Variants in LPIN2 observed in about 807,000 individuals in gnomAD.
The protein encoded by LPIN2 is phosphatidate phosphatase LPIN2.
A neutral mutation model predicts 111.4 loss-of-function variants in LPIN2; 55 were observed. That is an observed-to-expected ratio of 0.49 (90% CI 0.40 to 0.62). The LOEUF (loss-of-function observed/expected upper bound fraction) is 0.62. LPIN2 is among the 20% of genes least tolerant of loss of function. The pLI, the probability that LPIN2 is intolerant of heterozygous loss-of-function variation, is 0.00. For synonymous variants in LPIN2, 425 were observed against 414.0 expected (o/e 1.03, Z -0.32); for missense variants, 992 against 1,112.1 (o/e 0.89, Z 1.54).
At chr18:2,993,914 G>A (rs1356200975) in intron 1 of LPIN2, among the ~76,000 whole-genome samples, 1 of 152,160 alleles carries the variant, frequency 6.6e-6, no homozygotes, top group East Asian at 1.9e-4. Context: ...CTGAGGATCC[G>A]ATGGAACCCC....
chr18:3,004,646 C>T (rs566357235), intron 1 of LPIN2, among the ~76,000 whole-genome samples: 15 of 152,264 alleles, frequency 9.9e-5, no homozygotes, highest in Admixed American at 2.6e-4. Flanking sequence ...AAGAAGGCAC[C>T]ATGTTGGATA....
chr18:2,976,220 T>C (rs566686352), intron 1 of LPIN2, among the ~76,000 whole-genome samples: 1 of 152,342 alleles, frequency 6.6e-6, no homozygotes, highest in Non-Finnish European at 1.5e-5. Flanking sequence ...CGTGTCCTAA[T>C]TGTGTTAATG....
At chr18:2,974,715 C>T (rs1483634844) in intron 1 of LPIN2, among the ~76,000 whole-genome samples, 2 of 152,128 alleles carry the variant, frequency 1.3e-5, no homozygotes, top group South Asian at 2.1e-4. Context: ...TTTTAGGCTG[C>T]GTGCGTTGGC....
rs778249776 is a variant in LPIN2, at chr18:2,940,582, CAAG to C, written c.698+20_698+22del. Reference sequence around the variant, plus strand: ...ACATCTCCTTCCTCTTTCAAGAAACCAAGAAATTTCAAAGATACTTACGTCTCT... The same window carrying C: ...ACATCTCCTTCCTCTTTCAAGAAACCAAATTTCAAAGATACTTACGTCTCT... On this transcript the variant is annotated intron_variant, in intron 5 of 19. Coordinates refer to ENST00000677752, the MANE Select transcript of LPIN2 (RefSeq NM_001375808.2). 6.8e-4 allele frequency: 1,000 copies of C among 1,470,208 alleles called. 4 individuals are homozygous for C. The highest frequency in any genetic ancestry group is 8.8e-4 in the Non-Finnish European group (924 of 1,050,928). The allele number at this position is 1,470,208 out of a possible 1,614,324, so 91.1% of individuals were successfully genotyped here.
chr18:2,934,014 A>G (rs1439004353), intron 8 of LPIN2, among the ~76,000 whole-genome samples: 1 of 152,246 alleles, frequency 6.6e-6, no homozygotes, highest in African/African-American at 2.4e-5. Flanking sequence ...TTTAAAACAC[A>G]TAATAAAATA....
rs1568517337 is a variant in LPIN2 at position 2,926,713 on chromosome 18, G to C, written c.1793+10C>G. On this transcript the variant is annotated intron_variant, in intron 13 of 19. Coordinates refer to ENST00000677752, the MANE Select transcript of LPIN2 (RefSeq NM_001375808.2). ...AGTGCTATGAGCCGGGCAGAGGACA[G>C]GGCACCCACCTGGCACCGGCCGGCT... The C allele has an allele frequency of 6.2e-6, 10 of 1,611,096 alleles. No individual in the cohort carries two copies. Among genetic ancestry groups the C allele is most frequent in the Non-Finnish European group, 8.5e-6 (10 of 1,179,734 alleles).
chr18:2,969,479 C>T (rs1388118959), intron 1 of LPIN2, among the ~76,000 whole-genome samples: 3 of 152,170 alleles, frequency 2.0e-5, no homozygotes, highest in Non-Finnish European at 4.4e-5. Flanking sequence ...CAAACTCTGT[C>T]TTTCTAAATC....
In LPIN2 at chr18:2,925,301, G is replaced by T. The variant is rs1221458844; in HGVS notation, c.1861C>A (p.Pro621Thr). 6.2e-7 allele frequency: 1 copy of T among 1,614,036 alleles called. No homozygotes were observed. Among genetic ancestry groups the T allele is most frequent in the Non-Finnish European group, 8.5e-7 (1 of 1,180,028 alleles). ...QELEESITVD[P>T]IPTEPLSHGS... ...TGGCTCAGGGGCTCTGTGGGGATGG[G>T]GTCCACTGTGATGGATTCTTCGAGC... is the stretch of plus-strand genomic sequence containing the variant. Residue 621 changes from proline to threonine, a missense_variant, in exon 14 of 20, where the codon CCC (proline) becomes ACC (threonine). Physicochemically the swap from Pro to Thr is conservative, Grantham distance 38. Coordinates refer to ENST00000677752, the MANE Select transcript of LPIN2 (RefSeq NM_001375808.2). This position sits in a 1 kb window ranked among gnomAD's most constrained non-coding sequence, Gnocchi z 4.1.
chr18:2,963,958 T>G (rs2077749840), intron 1 of LPIN2, among the ~76,000 whole-genome samples: 1 of 151,856 alleles, frequency 6.6e-6, no homozygotes, highest in Non-Finnish European at 1.5e-5. Flanking sequence ...ATCTCAGAAC[T>G]ACTTTAGAGG....
chr18:3,008,511 A>T (rs1466379320), intron 1 of LPIN2, among the ~76,000 whole-genome samples: 3 of 152,264 alleles, frequency 2.0e-5, no homozygotes, highest in Non-Finnish European at 4.4e-5. Flanking sequence ...AGAAATAGGT[A>T]AATGCAGAAA....
intron 18 of LPIN2, 159 bp from the exon 19 acceptor site, chr18:2,921,040 C>G: frequency 1.4e-6 from 1 of 691,100 alleles, no homozygotes. Flanking sequence ...TTTAGACAAA[C>G]CTAAACTACA....
chr18:2,954,701 G>C, intron 2 of LPIN2, 102 bp from the exon 3 acceptor site: 1 of 854,286 alleles, frequency 1.2e-6, no homozygotes, highest in Non-Finnish European at 2.0e-6. Flanking sequence ...GCATAGTTTT[G>C]AGGTTCCTAG....
At chr18:2,986,175 G>T (rs111843342) in intron 1 of LPIN2, among the ~76,000 whole-genome samples, 8 of 152,152 alleles carry the variant, frequency 5.3e-5, no homozygotes, top group Admixed American at 2.6e-4. Flanking sequence ...AGGGACTGAC[G>T]TTTTATTCAA....
At chr18:3,006,020 T>C (rs1337357246) in intron 1 of LPIN2, among the ~76,000 whole-genome samples, 1 of 152,220 alleles carries the variant, frequency 6.6e-6, no homozygotes, top group African/African-American at 2.4e-5. Flanking sequence ...CGCTACCACA[T>C]GGCTGTGGCC....
At position 2,921,662 on chromosome 18, in the gene LPIN2, C is replaced by G; in HGVS notation, c.2328-15G>C. The G allele has an allele frequency of 6.5e-7, 1 of 1,532,700 alleles. No individual in the cohort carries two copies. Among genetic ancestry groups the G allele is most frequent in the Non-Finnish European group, 9.0e-7 (1 of 1,106,072 alleles). 94.9% of individuals were successfully genotyped at this position (1,532,700 alleles called of 1,614,324 possible). A position where few individuals can be genotyped will look rare whatever the true frequency, so the allele number is the denominator to read the frequency against. On this transcript the variant is annotated splice_polypyrimidine_tract_variant and intron_variant, in intron 17 of 19. Coordinates refer to ENST00000677752, the MANE Select transcript of LPIN2 (RefSeq NM_001375808.2). ...CTATCACTTCTCTAAGAAAAAAATA[C>G]AAATACAATCACCAATCTCAAAATG... is the stretch of plus-strand genomic sequence containing the variant.
intron 4 of LPIN2, among the ~76,000 whole-genome samples, chr18:2,948,969 A>C (rs1418027276): frequency 6.6e-6 from 1 of 151,942 alleles, no homozygotes; most frequent in African/African-American, 2.4e-5. Flanking sequence ...CACCCAGCTA[A>C]TTTCTGTATT....
At chr18:2,978,013 T>C (rs1446187694) in intron 1 of LPIN2, among the ~76,000 whole-genome samples, 1 of 151,846 alleles carries the variant, frequency 6.6e-6, no homozygotes, top group Non-Finnish European at 1.5e-5. Context: ...ATCAACATGA[T>C]GAAACCATCT....
chr18:2,990,848 G>A lies in LPIN2; in HGVS notation c.-10+22239C>T, dbSNP rs185293565. On this transcript the variant is annotated intron_variant, in intron 1 of 19. Transcript: ENST00000677752. ...CCTACTTCAATCTCTGTTCCCCGCCGGCAGGGACAATGATACTACCTCCCT... is the reference window on the plus strand; with the variant it reads ...CCTACTTCAATCTCTGTTCCCCGCCAGCAGGGACAATGATACTACCTCCCT... 4.9e-3 allele frequency: 2,129 copies of A among 438,482 alleles called. 10 individuals carry two copies. The highest frequency in any genetic ancestry group is 7.5e-3 in the Non-Finnish European group (1,687 of 223,562). 27.2% of individuals were successfully genotyped at this position (438,482 alleles called of 1,614,324 possible). A position where few individuals can be genotyped will look rare whatever the true frequency, so the allele number is the denominator to read the frequency against.
intron 3 of LPIN2, among the ~76,000 whole-genome samples, chr18:2,952,795 C>G (rs150745925): frequency 0.015 from 2,260 of 152,204 alleles, 22 homozygotes; most frequent in Non-Finnish European, 0.022. Flanking sequence ...ATGAAGATAA[C>G]CTGAACGCCT....
Sources: allele counts gnomAD v4.1 joint callset (sites outside exome capture counted in the v4.1 genomes callset), GRCh38; gene constraint gnomAD v4.1.1; non-coding constraint Gnocchi (gnomAD v3.1); transcripts MANE v1.5; gene names NCBI Gene and HGNC (gene_info 2026-07-23, HGNC 2026-07-21).